CADM2: variants seen among roughly 807,000 people sequenced by gnomAD.
CADM2 encodes immunoglobulin superfamily member 4D.
Under a neutral mutation model 49.8 loss-of-function variants are expected in CADM2, and 12 were observed. That is an observed-to-expected ratio of 0.24 (90% CI 0.15 to 0.39). The LOEUF (loss-of-function observed/expected upper bound fraction) is 0.39, where lower values mean the gene tolerates loss of function less well. Among genes scored for constraint, CADM2 ranks in the 10% least tolerant of loss-of-function variants. The pLI is 1.00. For missense variants in CADM2, 378 were observed against 492.3 expected, an observed-to-expected ratio of 0.77 and a Z score of 2.20; for synonymous variants, 214 against 175.4, an observed-to-expected ratio of 1.22 and a Z score of -1.74.
At chr3:85,510,039 C>T (rs1258935746) in intron 1 of CADM2, among the ~76,000 whole-genome samples, 1 of 151,846 alleles carries the variant, frequency 6.6e-6, no homozygotes, top group East Asian at 1.9e-4. Flanking sequence ...TGTGGGCTCA[C>T]TGCCCAGATG....
chr3:86,012,740 A>G, intron 8 of CADM2: 1 of 797,250 alleles, frequency 1.3e-6, no homozygotes, highest in East Asian at 2.7e-5. Context: ...CTGTAATCCC[A>G]GCACTTTGGG....
intron 1 of CADM2, among the ~76,000 whole-genome samples, chr3:85,255,003 A>G (rs1484694772): frequency 6.6e-6 from 1 of 152,064 alleles, no homozygotes; most frequent in African/African-American, 2.4e-5. Context: ...TTCATATCCT[A>G]CTGGGATTTG....
At chr3:85,271,049 T>C (rs1352768453) in intron 1 of CADM2, among the ~76,000 whole-genome samples, 1 of 151,312 alleles carries the variant, frequency 6.6e-6, no homozygotes, top group Non-Finnish European at 1.5e-5. Context: ...TGTTACACAA[T>C]CACTCTGACT....
chr3:85,318,360 T>C (rs2044517997), intron 1 of CADM2, among the ~76,000 whole-genome samples: 1 of 152,012 alleles, frequency 6.6e-6, no homozygotes, highest in Non-Finnish European at 1.5e-5. Context: ...ATATTCAAGA[T>C]AATGGCAGAT....
At chr3:85,791,299 C>T (rs141123075) in intron 2 of CADM2, among the ~76,000 whole-genome samples, 12 of 152,180 alleles carry the variant, frequency 7.9e-5, no homozygotes, top group East Asian at 3.9e-4. Context: ...GTGCTTCAGT[C>T]CACACAACTA....
chr3:85,443,198 G>A (rs1413249961), intron 1 of CADM2, among the ~76,000 whole-genome samples: 1 of 151,934 alleles, frequency 6.6e-6, no homozygotes, highest in Non-Finnish European at 1.5e-5. Context: ...ATTTTATATT[G>A]TTTCTTTTAA....
At chr3:85,627,111 T>A (rs868723947) in intron 1 of CADM2, among the ~76,000 whole-genome samples, 30 of 151,968 alleles carry the variant, frequency 2.0e-4, no homozygotes, top group South Asian at 6.2e-4. Flanking sequence ...ATTTTTTTTT[T>A]AAAAATTCCT....
intron 5 of CADM2, among the ~76,000 whole-genome samples, chr3:85,895,040 G>A (rs1715033180): frequency 6.6e-6 from 1 of 152,210 alleles, no homozygotes. Flanking sequence ...CTGCCTAGTG[G>A]AGCTGTGAGA....
At chr3:85,545,344 C>T (rs756661092) in intron 1 of CADM2, among the ~76,000 whole-genome samples, 99 of 152,166 alleles carry the variant, frequency 6.5e-4, no homozygotes, top group Non-Finnish European at 1.9e-4. Context: ...GTATTCCACA[C>T]ACAGTCTCTT....
chr3:85,470,444 A>G (rs1254942443), intron 1 of CADM2, among the ~76,000 whole-genome samples: 3 of 152,222 alleles, frequency 2.0e-5, no homozygotes, highest in Non-Finnish European at 4.4e-5. Flanking sequence ...AAGGAAAACA[A>G]GAAAAGAATT....
chr3:85,565,343 A>G (rs2062226818), intron 1 of CADM2, among the ~76,000 whole-genome samples: 1 of 152,088 alleles, frequency 6.6e-6, no homozygotes, highest in East Asian at 1.9e-4. Flanking sequence ...ATAATCTTTC[A>G]TGTAAAAGTT....
chr3:85,625,939 G>A (rs4416395), intron 1 of CADM2, among the ~76,000 whole-genome samples: 120,302 of 151,922 alleles, frequency 0.79, 48,473 homozygotes, highest in African/African-American at 0.95. Flanking sequence ...CTTGATTGTC[G>A]TTAATTTTGG....
At chr3:85,417,906 GA>G (rs2035985002) in intron 1 of CADM2, among the ~76,000 whole-genome samples, 2 of 152,086 alleles carry the variant, frequency 1.3e-5, no homozygotes, top group African/African-American at 4.8e-5. Flanking sequence ...ATGGATCTGA[GA>G]TGCTGCAATT....
At chr3:85,701,258 A>T (rs1242099585) in intron 1 of CADM2, among the ~76,000 whole-genome samples, 1 of 152,124 alleles carries the variant, frequency 6.6e-6, no homozygotes, top group African/African-American at 2.4e-5. Context: ...AACCATTAGA[A>T]ACTGCACCTG....
chr3:86,021,287 A>G (rs1733138970), intron 8 of CADM2, among the ~76,000 whole-genome samples: 1 of 150,796 alleles, frequency 6.6e-6, no homozygotes, highest in Non-Finnish European at 1.5e-5. Context: ...AGTGTGAGTC[A>G]CCGCACCTGG....
At chr3:85,046,217 G>A (rs1314747706) in intron 1 of CADM2, among the ~76,000 whole-genome samples, 3 of 151,916 alleles carry the variant, frequency 2.0e-5, no homozygotes, top group East Asian at 1.9e-4. Flanking sequence ...AATAACCAAA[G>A]GACCTTATCA....
intron 1 of CADM2, among the ~76,000 whole-genome samples, chr3:85,483,320 G>A (rs1320756688): frequency 6.6e-6 from 1 of 151,292 alleles, no homozygotes; most frequent in Admixed American, 6.6e-5. Context: ...AAACTTAATT[G>A]TGTATGATGA....
intron 1 of CADM2, among the ~76,000 whole-genome samples, chr3:85,294,782 A>T (rs1469822164): frequency 1.3e-5 from 2 of 152,120 alleles, no homozygotes; most frequent in Admixed American, 6.6e-5. Context: ...CTTATACAAA[A>T]ATCAATTCAA....
chr3:85,840,613 A>T (rs1209569754), intron 3 of CADM2, among the ~76,000 whole-genome samples: 1 of 151,928 alleles, frequency 6.6e-6, no homozygotes, highest in Non-Finnish European at 1.5e-5. Flanking sequence ...TATATGACAC[A>T]GAATACCTGT....
Sources: allele counts gnomAD v4.1 joint callset (sites outside exome capture counted in the v4.1 genomes callset), GRCh38; gene constraint gnomAD v4.1.1; transcripts MANE v1.5; gene names NCBI Gene and HGNC (gene_info 2026-07-23, HGNC 2026-07-21).